The following SCRN1 variants were observed in gnomAD, a reference collection of about 807,000 sequenced individuals.
SCRN1 encodes secernin-1.
SCRN1 carries 19 observed loss-of-function variants against 43.3 expected under a neutral mutation model. The ratio of observed to expected loss-of-function variants is 0.44; its 90% CI spans 0.31 to 0.64. The LOEUF (loss-of-function observed/expected upper bound fraction) is 0.64, where lower values mean the gene tolerates loss of function less well. Ranked by LOEUF, SCRN1 falls within the 30% of genes least tolerant of loss-of-function variation. SCRN1 has a pLI of 0.09. For missense variants in SCRN1, 447 were observed against 524.1 expected (o/e 0.85, Z 1.44); for synonymous variants, 183 against 188.9 (o/e 0.97, Z 0.26).
chr7:29,943,031 C>T (rs985549172), intron 4 of SCRN1, among the ~76,000 whole-genome samples: 7 of 152,188 alleles, frequency 4.6e-5, no homozygotes, highest in Non-Finnish European at 8.8e-5. Context: ...AAGATAGGGA[C>T]GGCACACAAG....
chr7:29,986,042 C>G (rs1789139879), intron 1 of SCRN1, among the ~76,000 whole-genome samples: 1 of 152,214 alleles, frequency 6.6e-6, no homozygotes, highest in African/African-American at 2.4e-5. Context: ...CGAGACCAGC[C>G]CGACCAATAT....
chr7:29,927,586 A>G (rs149598527), intron 6 of SCRN1, among the ~76,000 whole-genome samples: 1 of 152,296 alleles, frequency 6.6e-6, no homozygotes, highest in Admixed American at 6.5e-5. Flanking sequence ...CAGCTGTACC[A>G]TGGGGCAGCA....
chr7:29,923,114 C>T lies in SCRN1; in HGVS notation c.*843G>A, dbSNP rs1183751953. ...CCTAGACTAGCTGTTGGTAACTAGA[C>T]TGGGAATCATTTCTACACAAGGAAT... On this transcript the variant is annotated 3_prime_UTR_variant, in exon 8 of 8. Transcript: ENST00000242059. 6.6e-6 allele frequency: 1 copy of T among 152,240 alleles called. No homozygotes were observed. Among genetic ancestry groups the T allele is most frequent in the African/African-American group, 2.4e-5 (1 of 41,432 alleles). The allele number at this position is 152,240 out of a possible 1,614,324, so 9.4% of individuals were successfully genotyped here. A position where few individuals can be genotyped will look rare whatever the true frequency, so the allele number is the denominator to read the frequency against.
chr7:29,972,797 G>A (rs1245130910), intron 1 of SCRN1, among the ~76,000 whole-genome samples: 1 of 152,170 alleles, frequency 6.6e-6, no homozygotes, highest in African/African-American at 2.4e-5. Flanking sequence ...CTACAATGAT[G>A]GAAATGTTGT....
chr7:29,980,950 G>T (rs1348445219), intron 1 of SCRN1, among the ~76,000 whole-genome samples: 1 of 152,136 alleles, frequency 6.6e-6, no homozygotes, highest in Non-Finnish European at 1.5e-5. Flanking sequence ...GACCTAGAAG[G>T]ATTAATATCT....
intron 3 of SCRN1, among the ~76,000 whole-genome samples, chr7:29,953,809 C>T (rs1788038658): frequency 6.6e-6 from 1 of 152,096 alleles, no homozygotes; most frequent in African/African-American, 2.4e-5. Flanking sequence ...GCCATTTCCC[C>T]CTACAAAACC....
Position 29,969,031 on chromosome 7 carries a change from A to G in SCRN1, c.37T>C (p.Phe13Leu). Residue 13 changes from phenylalanine to leucine, a missense_variant, in exon 2 of 8, where the codon TTC (phenylalanine) becomes CTC (leucine). Transcript: ENST00000242059. ...AGACCATCCTTAGCACGTGGAGGGA[A>G]GGCAACAAAACAGTAACTTGGAGGA... ...AAPPSYCFVA[F>L]PPRAKDGLVV... The G allele has an allele frequency of 3.7e-6, 6 of 1,614,062 alleles. No individual in the cohort carries two copies. In the South Asian group the frequency reaches 6.6e-5, roughly 18 times the overall value.
At chr7:29,985,609 T>C (rs553681002) in intron 1 of SCRN1, among the ~76,000 whole-genome samples, 49 of 152,080 alleles carry the variant, frequency 3.2e-4, no homozygotes, top group Admixed American at 2.1e-3. Context: ...GAAGTTACTT[T>C]CCAATGCACT....
chr7:29,967,194 C>T (rs1334833417), intron 2 of SCRN1, among the ~76,000 whole-genome samples: 1 of 151,964 alleles, frequency 6.6e-6, no homozygotes, highest in African/African-American at 2.4e-5. Flanking sequence ...CACACACACA[C>T]ACACAAACAC....
Position 29,923,081 on chromosome 7 carries a change from C to G in SCRN1, c.*876G>C, listed in dbSNP as rs898606747. 6.6e-6 allele frequency: 1 copy of G among 152,184 alleles called. No homozygotes were observed. The highest frequency in any genetic ancestry group is 2.4e-5 in the African/African-American group (1 of 41,442). 9.4% of individuals were successfully genotyped at this position (152,184 alleles called of 1,614,324 possible). A position where few individuals can be genotyped will look rare whatever the true frequency, so the allele number is the denominator to read the frequency against. ...GGTGGAACTGTGCCATAGGGCCATT[C>G]AATTACTCCTAGACTAGCTGTTGGT... On this transcript the variant is annotated 3_prime_UTR_variant, in exon 8 of 8. Transcript: ENST00000242059.
Position 29,940,708 on chromosome 7 carries a change from C to A in SCRN1, c.713G>T (p.Gly238Val), listed in dbSNP as rs138423685. Residue 238 changes from glycine to valine, a missense_variant, in exon 5 of 8, where the codon GGC becomes GTC. Transcript: ENST00000242059. ...TTCTTGTTTTTCTAAGCTGTCTTTG[C>A]CAGCACCGCAGTCTAGATGATCCTC... ...PVEDHLDCGA[G>V]KDSLEKQEES... 12 of 1,604,696 alleles carry A rather than the reference C, an allele frequency of 7.5e-6. No individual in the cohort carries two copies. The African/African-American group carries it at 1.1e-4, about 14-fold the overall frequency.
intron 2 of SCRN1, among the ~76,000 whole-genome samples, chr7:29,966,275 G>T (rs1226817497): frequency 6.6e-6 from 1 of 151,694 alleles, no homozygotes; most frequent in East Asian, 1.9e-4. Context: ...ACCGGTCAGA[G>T]CAATCACAAG....
intron 3 of SCRN1, among the ~76,000 whole-genome samples, chr7:29,954,264 TAGAG>T (rs1416031737): frequency 2.6e-5 from 4 of 152,216 alleles, no homozygotes; most frequent in African/African-American, 9.6e-5. Context: ...AACTGAGACA[TAGAG>T]AGGAAAGGAG....
At chr7:29,924,179 GA>G in intron 7 of SCRN1, 64 bp from the exon 8 acceptor site, 1 of 1,531,294 alleles carries the variant, frequency 6.5e-7, no homozygotes, top group Non-Finnish European at 8.8e-7. Context: ...AGCGGACACT[GA>G]AACCCTCTAG....
intron 3 of SCRN1, among the ~76,000 whole-genome samples, chr7:29,947,687 T>C (rs1433693962): frequency 6.6e-6 from 1 of 152,220 alleles, no homozygotes; most frequent in Non-Finnish European, 1.5e-5. Flanking sequence ...GGTAATGCTA[T>C]GAAGTGATTG....
intron 1 of SCRN1, among the ~76,000 whole-genome samples, chr7:29,974,747 G>A (rs571342319): frequency 4.7e-5 from 7 of 148,290 alleles, no homozygotes; most frequent in African/African-American, 1.5e-4. Flanking sequence ...ACAGTGGCGC[G>A]ATCTTGGCTT....
intron 2 of SCRN1, among the ~76,000 whole-genome samples, chr7:29,959,720 G>T (rs1007984567): frequency 2.0e-5 from 3 of 152,128 alleles, no homozygotes; most frequent in African/African-American, 7.2e-5. Context: ...CACTTTAGAA[G>T]AACTGTTTTT....
intron 1 of SCRN1, among the ~76,000 whole-genome samples, chr7:29,978,889 T>C (rs1277840264): frequency 1.3e-5 from 2 of 152,216 alleles, no homozygotes; most frequent in Admixed American, 6.5e-5. Flanking sequence ...GTCTAATTTA[T>C]TGTCGTGATT....
At chr7:29,961,274 AACGAGCATG>A (rs1430072582) in intron 2 of SCRN1, among the ~76,000 whole-genome samples, 1 of 140,962 alleles carries the variant, frequency 7.1e-6, no homozygotes, top group African/African-American at 2.7e-5. Context: ...GATGACTCTT[AACGAGCATG>A]CTGCCTTCAA....
Sources: allele counts gnomAD v4.1 joint callset (sites outside exome capture counted in the v4.1 genomes callset), GRCh38; gene constraint gnomAD v4.1.1; transcripts MANE v1.5; gene names NCBI Gene and HGNC (gene_info 2026-07-23, HGNC 2026-07-21).